NXPE2: variants seen among roughly 807,000 people sequenced by gnomAD.
NXPE2 encodes NXPE family member 2.
Under a neutral mutation model 34.4 loss-of-function variants are expected in NXPE2, and 34 were observed. The observed-to-expected ratio is 0.99, with a 90% confidence interval of 0.75 to 1.31. The LOEUF (loss-of-function observed/expected upper bound fraction) is 1.31, where lower values mean the gene tolerates loss of function less well. Among genes scored for constraint, NXPE2 ranks in the 40% most tolerant of loss-of-function variants. NXPE2 has a pLI of 0.00. For synonymous variants in NXPE2, 235 were observed against 231.3 expected, an observed-to-expected ratio of 1.02 and a Z score of -0.15; for missense variants, 649 against 672.5, an observed-to-expected ratio of 0.97 and a Z score of 0.39.
At chr11:114,530,017 GCCT>G in the NXPE2 span, 1 of 678,642 alleles carries the variant, frequency 1.5e-6, no homozygotes, top group Non-Finnish European at 2.5e-6. Context: ...GCAAACTTTG[GCCT>G]AGAGTGGTGA....
At chr11:114,669,429 C>T in the NXPE2 span, among the ~76,000 whole-genome samples, 2 of 152,044 alleles carry the variant, frequency 1.3e-5, no homozygotes, top group Admixed American at 1.3e-4. Flanking sequence ...GAATATCTTA[C>T]CTGAAGGGTA....
the NXPE2 span, among the ~76,000 whole-genome samples, chr11:114,806,833 A>G: frequency 3.3e-5 from 5 of 151,946 alleles, no homozygotes. Flanking sequence ...TTCAGGAAAT[A>G]CAGAGAACGC....
At chr11:114,467,131 G>T in the NXPE2 span, among the ~76,000 whole-genome samples, 1 of 152,076 alleles carries the variant, frequency 6.6e-6, no homozygotes, top group Non-Finnish European at 1.5e-5. Context: ...ACTTTATCAG[G>T]CAATCCAAAG....
the NXPE2 span, among the ~76,000 whole-genome samples, chr11:114,609,373 C>G: frequency 6.6e-6 from 1 of 151,688 alleles, no homozygotes; most frequent in African/African-American, 2.4e-5. Flanking sequence ...CACCGTTACC[C>G]GGTGGATAAT....
At chr11:114,505,917 C>A in the NXPE2 span, among the ~76,000 whole-genome samples, 1 of 151,832 alleles carries the variant, frequency 6.6e-6, no homozygotes, top group South Asian at 2.1e-4. Flanking sequence ...ATTTAAAAGA[C>A]ACAAAATGGC....
the NXPE2 span, among the ~76,000 whole-genome samples, chr11:114,642,587 C>T: frequency 6.6e-6 from 1 of 152,068 alleles, no homozygotes; most frequent in African/African-American, 2.4e-5. Context: ...CTGCAAAGGA[C>T]ACGAACTCAT....
chr11:114,653,992 T>C, the NXPE2 span, among the ~76,000 whole-genome samples: 1 of 152,122 alleles, frequency 6.6e-6, no homozygotes, highest in Non-Finnish European at 1.5e-5. Context: ...AAGGAAGGCA[T>C]ACCCGGCAGA....
chr11:114,545,597 G>T, the NXPE2 span, among the ~76,000 whole-genome samples: 1 of 152,074 alleles, frequency 6.6e-6, no homozygotes. Context: ...ATCAGAGGGG[G>T]ACTTTTTAGG....
chr11:114,771,555 G>A, the NXPE2 span, among the ~76,000 whole-genome samples: 3 of 152,010 alleles, frequency 2.0e-5, no homozygotes, highest in East Asian at 1.9e-4. Flanking sequence ...AACTGGGAGG[G>A]AGGATCAGCT....
chr11:114,764,688 C>T, the NXPE2 span, among the ~76,000 whole-genome samples: 2 of 152,118 alleles, frequency 1.3e-5, no homozygotes, highest in Non-Finnish European at 2.9e-5. Context: ...AACCCCAATC[C>T]CTCCCTTCTA....
intron 2 of NXPE2, among the ~76,000 whole-genome samples, chr11:114,691,396 G>C (rs1951146294): frequency 1.3e-5 from 2 of 152,046 alleles, no homozygotes; most frequent in Admixed American, 1.3e-4. Context: ...GGCTTTCTCA[G>C]ATATTGCTTT....
At chr11:114,521,226 G>T in the NXPE2 span, among the ~76,000 whole-genome samples, 1 of 152,122 alleles carries the variant, frequency 6.6e-6, no homozygotes, top group African/African-American at 2.4e-5. Context: ...CAAAATAAGG[G>T]TTTACCCAAC....
chr11:114,512,067 G>A, the NXPE2 span, among the ~76,000 whole-genome samples: 2 of 152,174 alleles, frequency 1.3e-5, no homozygotes, highest in Admixed American at 1.3e-4. Context: ...CCATCTGGGG[G>A]AGGGGAGAGC....
the NXPE2 span, among the ~76,000 whole-genome samples, chr11:114,780,684 G>A: frequency 6.6e-6 from 1 of 152,170 alleles, no homozygotes; most frequent in Non-Finnish European, 1.5e-5. Flanking sequence ...GCTGTAAGAG[G>A]CTCAGGAAGG....
chr11:114,746,517 A>T, the NXPE2 span, among the ~76,000 whole-genome samples: 1 of 152,180 alleles, frequency 6.6e-6, no homozygotes, highest in Non-Finnish European at 1.5e-5. Flanking sequence ...GATCTACTTC[A>T]GGAGCTAAGA....
the NXPE2 span, among the ~76,000 whole-genome samples, chr11:114,585,594 CGT>C: frequency 3.2e-3 from 483 of 150,844 alleles, 1 homozygote; most frequent in Admixed American, 9.4e-3. Flanking sequence ...AATATATGTA[CGT>C]GTGTGTGTGT....
the NXPE2 span, among the ~76,000 whole-genome samples, chr11:114,548,213 A>G: frequency 1.3e-5 from 2 of 152,170 alleles, no homozygotes; most frequent in African/African-American, 2.4e-5. Context: ...AAGAATACTT[A>G]GAGAAATTCA....
the NXPE2 span, among the ~76,000 whole-genome samples, chr11:114,742,886 G>A: frequency 5.9e-4 from 90 of 152,174 alleles, no homozygotes; most frequent in African/African-American, 1.6e-3. Context: ...ATTCCAACAG[G>A]CTTCTTTTGT....
At chr11:114,746,893 A>G in the NXPE2 span, among the ~76,000 whole-genome samples, 1 of 145,760 alleles carries the variant, frequency 6.9e-6, no homozygotes, top group South Asian at 2.2e-4. Context: ...CAAAAAAAAA[A>G]AAAAAACCCC....
Sources: allele counts gnomAD v4.1 joint callset (sites outside exome capture counted in the v4.1 genomes callset), GRCh38; gene constraint gnomAD v4.1.1; transcripts MANE v1.5; gene names NCBI Gene and HGNC (gene_info 2026-07-23, HGNC 2026-07-21).